DLG2: variants seen among roughly 807,000 people sequenced by gnomAD.
DLG2 encodes discs large MAGUK scaffold protein 2.
DLG2 carries 45 observed loss-of-function variants against 132.5 expected under a neutral mutation model. The observed-to-expected ratio is 0.34, with a 90% CI of 0.27 to 0.44. The LOEUF (loss-of-function observed/expected upper bound fraction) is 0.44, where lower values mean the gene tolerates loss of function less well. Ranked by LOEUF, DLG2 falls within the 20% of genes least tolerant of loss-of-function variation. DLG2 has a pLI of 1.00. For synonymous variants in DLG2, 424 were observed against 419.6 expected (o/e 1.01, Z -0.13); for missense variants, 1,045 against 1,196.9 (o/e 0.87, Z 1.87).
chr11:84,122,737 AC>A (rs1304977181), intron 9 of DLG2, among the ~76,000 whole-genome samples: 1 of 152,198 alleles, frequency 6.6e-6, no homozygotes, highest in Non-Finnish European at 1.5e-5. Flanking sequence ...GCAGAAAATT[AC>A]ATTCAATTTG....
At chr11:84,536,080 A>G (rs10501568) in intron 6 of DLG2, among the ~76,000 whole-genome samples, 12,898 of 152,170 alleles carry the variant, frequency 0.085, 554 homozygotes, top group South Asian at 0.12. Flanking sequence ...GATTATCAAT[A>G]CTTACACTTA....
chr11:84,868,636 G>A (rs2084995613), intron 6 of DLG2, among the ~76,000 whole-genome samples: 1 of 152,010 alleles, frequency 6.6e-6, no homozygotes, highest in Non-Finnish European at 1.5e-5. Context: ...GTAAACATCT[G>A]ACGAGGCAGG....
intron 3 of DLG2, among the ~76,000 whole-genome samples, chr11:85,433,294 G>T (rs1239693189): frequency 2.0e-5 from 3 of 152,074 alleles, no homozygotes; most frequent in African/African-American, 4.8e-5. Flanking sequence ...TCAGGATAAT[G>T]GAATCAAATT....
intron 6 of DLG2, among the ~76,000 whole-genome samples, chr11:84,866,685 G>A (rs1185329530): frequency 6.6e-6 from 1 of 152,124 alleles, no homozygotes; most frequent in African/African-American, 2.4e-5. Context: ...TAGAAGGGAG[G>A]GAAGATTATA....
chr11:84,472,434 TA>T (rs1318141126), intron 7 of DLG2, among the ~76,000 whole-genome samples: 1 of 151,986 alleles, frequency 6.6e-6, no homozygotes, highest in Non-Finnish European at 1.5e-5. Flanking sequence ...ATAAGTTTAA[TA>T]TTTGCCTCTG....
intron 3 of DLG2, among the ~76,000 whole-genome samples, chr11:85,324,424 G>C (rs549726023): frequency 1.3e-5 from 2 of 152,092 alleles, no homozygotes; most frequent in African/African-American, 4.8e-5. Context: ...TATATGTTGA[G>C]TTGAATTTAA....
At chr11:85,228,693 T>C in intron 4 of DLG2, among the ~76,000 whole-genome samples, 1 of 151,932 alleles carries the variant, frequency 6.6e-6, no homozygotes. Context: ...TTTTTTATAT[T>C]TTTATGGCTA....
intron 21 of DLG2, among the ~76,000 whole-genome samples, chr11:83,494,763 A>G (rs2094057693): frequency 6.6e-6 from 1 of 152,032 alleles, no homozygotes; most frequent in African/African-American, 2.4e-5. Context: ...GAAGTTGAGC[A>G]GGGCACAGAC....
intron 7 of DLG2, among the ~76,000 whole-genome samples, chr11:84,514,647 C>A (rs932510661): frequency 5.9e-5 from 9 of 151,560 alleles, no homozygotes; most frequent in Non-Finnish European, 8.8e-5. Flanking sequence ...ATTACCAAAG[C>A]CTGAGAAAGG....
intron 19 of DLG2, among the ~76,000 whole-genome samples, chr11:83,618,135 C>T (rs1365986921): frequency 6.6e-6 from 1 of 152,066 alleles, no homozygotes; most frequent in Non-Finnish European, 1.5e-5. Flanking sequence ...TCATCTGAAT[C>T]TTATCTTTTA....
chr11:83,579,655 GA>G (rs1444703504), intron 19 of DLG2, among the ~76,000 whole-genome samples: 4 of 151,678 alleles, frequency 2.6e-5, no homozygotes, highest in East Asian at 3.9e-4. Flanking sequence ...AAATGAATTT[GA>G]AAAAAAATAA....
intron 6 of DLG2, among the ~76,000 whole-genome samples, chr11:84,830,041 T>C (rs1037776651): frequency 6.6e-6 from 1 of 151,666 alleles, no homozygotes; most frequent in Non-Finnish European, 1.5e-5. Context: ...GTGAAAAACA[T>C]CTATCATTAT....
chr11:85,263,237 A>G (rs780873571), intron 4 of DLG2, among the ~76,000 whole-genome samples: 1 of 152,212 alleles, frequency 6.6e-6, no homozygotes. Context: ...TCCAGGTACA[A>G]GAGGAAAAGG....
At chr11:85,155,927 A>G (rs1398707950) in intron 4 of DLG2, among the ~76,000 whole-genome samples, 1 of 151,842 alleles carries the variant, frequency 6.6e-6, no homozygotes, top group Non-Finnish European at 1.5e-5. Context: ...AAGTGGTTGC[A>G]GGCTAGGACA....
At chr11:83,752,464 T>C (rs2153738089) in intron 18 of DLG2, among the ~76,000 whole-genome samples, 1 of 152,264 alleles carries the variant, frequency 6.6e-6, no homozygotes, top group South Asian at 2.1e-4. Context: ...AGTGTTCAAC[T>C]ATGACAAATG....
chr11:83,954,439 C>G (rs1290419835), intron 14 of DLG2, among the ~76,000 whole-genome samples: 2 of 152,118 alleles, frequency 1.3e-5, no homozygotes, highest in Non-Finnish European at 2.9e-5. Context: ...ACATAATGAT[C>G]TATCTGTCTC....
intron 6 of DLG2, among the ~76,000 whole-genome samples, chr11:84,826,812 C>G (rs1237965090): frequency 6.6e-6 from 1 of 151,874 alleles, no homozygotes; most frequent in Non-Finnish European, 1.5e-5. Flanking sequence ...CCTTCCTCCA[C>G]ACAATAACCA....
chr11:83,478,321 C>G (rs1302213793), intron 22 of DLG2, among the ~76,000 whole-genome samples: 1 of 152,034 alleles, frequency 6.6e-6, no homozygotes, highest in African/African-American at 2.4e-5. Context: ...CCTTCTGTAA[C>G]CTTGGATGAG....
At chr11:84,443,830 TGTCTTA>T (rs2099024682) in intron 7 of DLG2, among the ~76,000 whole-genome samples, 1 of 152,156 alleles carries the variant, frequency 6.6e-6, no homozygotes, top group South Asian at 2.1e-4. Flanking sequence ...ATCTCTGACT[TGTCTTA>T]GTTTTATTCA....
Sources: allele counts gnomAD v4.1 joint callset (sites outside exome capture counted in the v4.1 genomes callset), GRCh38; gene constraint gnomAD v4.1.1; transcripts MANE v1.5; gene names NCBI Gene and HGNC (gene_info 2026-07-23, HGNC 2026-07-21).